Variants in THEMIS observed in about 807,000 individuals in gnomAD.
THEMIS encodes the protein thymocyte selection associated.
THEMIS carries 37 observed loss-of-function variants against 52.6 expected under a neutral mutation model. The observed-to-expected ratio is 0.70, with a 90% confidence interval of 0.54 to 0.93. The LOEUF (loss-of-function observed/expected upper bound fraction) is 0.93. Among genes scored for constraint, THEMIS ranks in the 40% least tolerant of loss-of-function variants. The pLI, the probability that THEMIS is intolerant of heterozygous loss-of-function variation, is 0.00. For synonymous variants in THEMIS, 292 were observed against 272.7 expected (o/e 1.07, Z -0.70); for missense variants, 808 against 763.1 (o/e 1.06, Z -0.69).
At chr6:127,745,029 G>T (rs1172675731) in intron 4 of THEMIS, among the ~76,000 whole-genome samples, 1 of 151,732 alleles carries the variant, frequency 6.6e-6, no homozygotes, top group Non-Finnish European at 1.5e-5. Context: ...TCTCAAAAAA[G>T]TTGCCAAAAG....
chr6:127,753,139 A>T (rs898060395), intron 4 of THEMIS, among the ~76,000 whole-genome samples: 16 of 152,006 alleles, frequency 1.1e-4, no homozygotes, highest in African/African-American at 3.9e-4. Flanking sequence ...AAAACTCATT[A>T]ATTAGGTGTA....
At position 127,893,667 on chromosome 6, in the gene THEMIS, C is replaced by T. The variant is rs897535438; in HGVS notation, c.91+7175G>A. 3.3e-5 allele frequency among the ~76,000 whole-genome samples: 5 copies of T among 152,044 alleles called. No homozygotes were observed. In the South Asian group the frequency reaches 6.2e-4, roughly 19 times the overall value. On this transcript the variant is annotated intron_variant, in intron 1 of 5. Coordinates refer to ENST00000368248, the MANE Select transcript of THEMIS (RefSeq NM_001010923.3). Reference sequence around the variant, plus strand: ...TCCCTATTATCACTGTGGTTGTCAACGGCGAGTATTCAATCCAATACTACA... The same window carrying T: ...TCCCTATTATCACTGTGGTTGTCAATGGCGAGTATTCAATCCAATACTACA...
intron 4 of THEMIS, among the ~76,000 whole-genome samples, chr6:127,808,089 A>G (rs1264224628): frequency 3.3e-5 from 5 of 152,212 alleles, no homozygotes; most frequent in African/African-American, 9.6e-5. Flanking sequence ...ACAGAAATCT[A>G]GAAACTCAGG....
chr6:127,717,279 G>A (rs951207531), intron 5 of THEMIS, among the ~76,000 whole-genome samples: 2 of 151,426 alleles, frequency 1.3e-5, no homozygotes, highest in African/African-American at 4.8e-5. Flanking sequence ...ATAACTAATT[G>A]CTCATGGTAT....
At chr6:127,838,482 T>C (rs1179740208) in intron 2 of THEMIS, among the ~76,000 whole-genome samples, 1 of 152,096 alleles carries the variant, frequency 6.6e-6, no homozygotes, top group Non-Finnish European at 1.5e-5. Flanking sequence ...AATTGAGTTA[T>C]CTTCCTTTGC....
intron 4 of THEMIS, among the ~76,000 whole-genome samples, chr6:127,810,908 A>T (rs542620420): frequency 6.6e-6 from 1 of 152,118 alleles, no homozygotes; most frequent in East Asian, 1.9e-4. Flanking sequence ...CTGGGAAAAG[A>T]AAGCCAATAT....
rs554355893 is a variant in THEMIS, at chr6:127,748,111, C to A, written c.1759-28288G>T. 3.3e-4 allele frequency among the ~76,000 whole-genome samples: 50 copies of A among 152,192 alleles called. No individual in the cohort carries two copies. In the South Asian group the frequency reaches 0.01, roughly 31 times the overall value. Reference sequence around the variant, plus strand: ...ATGCTGAAGTGGAGCTAATGGCTGGCAGAATCTGCTGCTGTTAGGACAATA... The same window carrying A: ...ATGCTGAAGTGGAGCTAATGGCTGGAAGAATCTGCTGCTGTTAGGACAATA... On this transcript the variant is annotated intron_variant, in intron 4 of 5. Coordinates refer to ENST00000368248, the MANE Select transcript of THEMIS (RefSeq NM_001010923.3).
rs763130834 is a variant in THEMIS at position 127,813,413 on chromosome 6, C to T, written c.1228G>A (p.Val410Ile). Residue 410 changes from valine to isoleucine, a missense_variant, in exon 4 of 6, where the codon GTT (valine) becomes ATT (isoleucine). Physicochemically the swap from Val to Ile is conservative, Grantham distance 29 (BLOSUM62 3). Transcript: ENST00000368248. ...LCEGIKKVVN[V>I]LACEKILKKS... ...TTGAGGATTTTTTCACAGGCCAGAA[C>T]ATTCACCACTTTTTTTATTCCCTCA... is the stretch of plus-strand genomic sequence containing the variant. 64 of 1,613,766 alleles carry T rather than the reference C, an allele frequency of 4.0e-5. No individual in the cohort carries two copies. The highest frequency in any genetic ancestry group is 5.3e-5 in the Non-Finnish European group (62 of 1,179,914).
chr6:127,706,820 G>T (rs148190727), downstream of THEMIS, among the ~76,000 whole-genome samples: 4 of 152,058 alleles, frequency 2.6e-5, no homozygotes, highest in South Asian at 2.1e-4. Flanking sequence ...AGAGCAAAAA[G>T]TGTTCCAGGC....
chr6:127,731,054 C>G (rs765442592), intron 4 of THEMIS, among the ~76,000 whole-genome samples: 2 of 152,152 alleles, frequency 1.3e-5, no homozygotes, highest in Admixed American at 1.3e-4. Context: ...TAAAACTTTG[C>G]TTCTATAAAT....
At chr6:127,858,170 A>C (rs1779679588) in intron 1 of THEMIS, among the ~76,000 whole-genome samples, 2 of 152,102 alleles carry the variant, frequency 1.3e-5, no homozygotes, top group Non-Finnish European at 2.9e-5. Flanking sequence ...TTCACATGGA[A>C]TAGAAGCCAG....
At chr6:127,892,848 C>G (rs1162351096) in intron 1 of THEMIS, among the ~76,000 whole-genome samples, 2 of 152,076 alleles carry the variant, frequency 1.3e-5, no homozygotes, top group Non-Finnish European at 2.9e-5. Flanking sequence ...TACCAGTGAC[C>G]TGAAAGAGAA....
chr6:127,855,504 A>C (rs1175141831), intron 1 of THEMIS, among the ~76,000 whole-genome samples: 1 of 151,894 alleles, frequency 6.6e-6, no homozygotes, highest in East Asian at 1.9e-4. Flanking sequence ...GAGATTTATG[A>C]TCTGTTTTTG....
chr6:127,918,090 G>A (rs1332962145), intron 1 of THEMIS, among the ~76,000 whole-genome samples: 1 of 152,098 alleles, frequency 6.6e-6, no homozygotes, highest in Non-Finnish European at 1.5e-5. Context: ...TTCTTCTTTA[G>A]CTATATTCTT....
intron 4 of THEMIS, among the ~76,000 whole-genome samples, chr6:127,781,195 C>T (rs979152533): frequency 4.6e-5 from 7 of 151,708 alleles, no homozygotes; most frequent in African/African-American, 9.7e-5. Context: ...GTTATTGATA[C>T]TTGTGTATGC....
chr6:127,895,993 A>G (rs1293641264), intron 1 of THEMIS, among the ~76,000 whole-genome samples: 1 of 151,562 alleles, frequency 6.6e-6, no homozygotes, highest in Non-Finnish European at 1.5e-5. Context: ...AATTCAGTGA[A>G]ATATGACCCC....
At chr6:127,721,881 A>G (rs1774374789) in intron 4 of THEMIS, among the ~76,000 whole-genome samples, 1 of 152,050 alleles carries the variant, frequency 6.6e-6, no homozygotes, top group East Asian at 1.9e-4. Flanking sequence ...ATGTTTGTTC[A>G]TACCAAATTC....
chr6:127,763,516 A>T (rs1562242035), intron 4 of THEMIS, among the ~76,000 whole-genome samples: 1 of 151,954 alleles, frequency 6.6e-6, no homozygotes. Context: ...AACAAAAACA[A>T]ACCAAAAAAA....
intron 4 of THEMIS, among the ~76,000 whole-genome samples, chr6:127,755,759 G>A (rs1035617672): frequency 1.2e-4 from 19 of 152,074 alleles, no homozygotes; most frequent in Non-Finnish European, 1.8e-4. Context: ...TCAGTTGAAC[G>A]CAGTGGCTCA....
Sources: gnomAD v4.1 joint callset for allele counts (sites outside exome capture counted in the v4.1 genomes callset) on GRCh38, gnomAD v4.1.1 for gene constraint, MANE v1.5 for transcripts, NCBI Gene and HGNC (gene_info 2026-07-23, HGNC 2026-07-21) for gene names.